The following TNR variants were observed in gnomAD, a reference collection of about 807,000 sequenced individuals.
The protein encoded by TNR is tenascin R, also known as tenascin-R.
A neutral mutation model predicts 150.4 loss-of-function variants in TNR; 45 were observed. That is an observed-to-expected ratio of 0.30 (90% CI 0.24 to 0.38). The LOEUF is 0.38. Ranked by LOEUF, TNR falls within the 10% of genes least tolerant of loss-of-function variation. TNR has a pLI of 1.00. For missense variants in TNR, 1,544 were observed against 1,759.1 expected (o/e 0.88, Z 2.19); for synonymous variants, 687 against 678.4 (o/e 1.01, Z -0.20).
intron 2 of TNR, among the ~76,000 whole-genome samples, chr1:175,485,301 C>T (rs1657964924): frequency 2.0e-5 from 3 of 152,138 alleles, no homozygotes; most frequent in Admixed American, 2.0e-4. Flanking sequence ...GGAAGTTTCC[C>T]CCAAACTGTA....
At chr1:175,602,273 A>G (rs114327514) in intron 1 of TNR, among the ~76,000 whole-genome samples, 208 of 150,404 alleles carry the variant, frequency 1.4e-3, no homozygotes, top group African/African-American at 4.9e-3. Flanking sequence ...CGATCTACTC[A>G]TTCCTCTCTA....
Position 175,362,806 on chromosome 1 carries a change from C to A in TNR, c.2711G>T (p.Gly904Val). The A allele has an allele frequency of 6.2e-7, 1 of 1,614,042 alleles. No individual in the cohort carries two copies. Among genetic ancestry groups the A allele is most frequent in the Non-Finnish European group, 8.5e-7 (1 of 1,179,946 alleles). Residue 904 changes from glycine (G) to valine (V), a missense_variant, in exon 14 of 23, where the codon GGA becomes GTA. Physicochemically the swap from Gly to Val is moderately radical, Grantham distance 109 (BLOSUM62 -3). This residue lies in a region of TNR where 1,254 missense variants were observed against 1,329.4 expected (regional missense o/e 0.94). Coordinates refer to ENST00000367674, the MANE Select transcript of TNR (RefSeq NM_003285.3). Reference protein sequence around the residue: ...YRVSYRPTQVGRLDSSVVPNT... With the variant: ...YRVSYRPTQVVRLDSSVVPNT... Reference sequence around the variant, plus strand: ...GGGCACCACTGAGCTGTCTAGTCGTCCCACTGGAGAAGAGAAGAATCTACA... The same window carrying A: ...GGGCACCACTGAGCTGTCTAGTCGTACCACTGGAGAAGAGAAGAATCTACA...
At chr1:175,402,742 C>T (rs859404) in intron 4 of TNR, among the ~76,000 whole-genome samples, 103,368 of 151,998 alleles carry the variant, frequency 0.68, 35,394 homozygotes, top group East Asian at 0.83. Context: ...GTGAGGGAGA[C>T]AATTTTGAGC....
intron 2 of TNR, among the ~76,000 whole-genome samples, chr1:175,508,371 T>C (rs768536601): frequency 6.6e-6 from 1 of 152,192 alleles, no homozygotes; most frequent in Non-Finnish European, 1.5e-5. Context: ...TTTGGGATGG[T>C]CCCCAGTCAT....
chr1:175,349,203 C>T lies in TNR; in HGVS notation c.3382+5188G>A, dbSNP rs112241317. Reference sequence around the variant, plus strand: ...GCAGTACATGGTTAAACTATGTAAACACATCCCCTATGACCCAGCAATTCC... The same window carrying T: ...GCAGTACATGGTTAAACTATGTAAATACATCCCCTATGACCCAGCAATTCC... On this transcript the variant is annotated intron_variant, in intron 18 of 22. Transcript: ENST00000367674. Among the ~76,000 whole-genome samples, 451 of 152,280 alleles carry T rather than the reference C, an allele frequency of 3.0e-3. 5 individuals are homozygous for T. The highest frequency in any genetic ancestry group is 0.011 in the African/African-American group (442 of 41,538).
intron 1 of TNR, among the ~76,000 whole-genome samples, chr1:175,621,263 G>A (rs1165687717): frequency 6.6e-6 from 1 of 152,132 alleles, no homozygotes; most frequent in Non-Finnish European, 1.5e-5. Context: ...CCTGAATTCT[G>A]CTGCCAGACT....
At chr1:175,638,910 A>C (rs1234875509) in intron 1 of TNR, among the ~76,000 whole-genome samples, 1 of 152,162 alleles carries the variant, frequency 6.6e-6, no homozygotes, top group Non-Finnish European at 1.5e-5. Context: ...AACTTTATTA[A>C]ATGAAATATT....
intron 1 of TNR, among the ~76,000 whole-genome samples, chr1:175,580,248 G>T (rs928854740): frequency 2.6e-5 from 4 of 152,234 alleles, no homozygotes; most frequent in Non-Finnish European, 5.9e-5. Flanking sequence ...CCCAAAGAGA[G>T]CAGGGGCAGG....
chr1:175,692,081 G>C (rs937250205), intron 1 of TNR, among the ~76,000 whole-genome samples: 2 of 152,178 alleles, frequency 1.3e-5, no homozygotes, highest in African/African-American at 4.8e-5. Flanking sequence ...CAGTCAAAAT[G>C]CTATTACCAG....
intron 2 of TNR, among the ~76,000 whole-genome samples, chr1:175,504,634 C>G (rs1211825240): frequency 6.6e-6 from 1 of 152,144 alleles, no homozygotes; most frequent in Non-Finnish European, 1.5e-5. Flanking sequence ...CTCCCCTCCC[C>G]AAGGCAAGTG....
chr1:175,661,863 CCT>C (rs1365762334), intron 1 of TNR, among the ~76,000 whole-genome samples: 2 of 147,648 alleles, frequency 1.4e-5, no homozygotes, highest in Admixed American at 6.8e-5. Context: ...TTGCCGCACC[CCT>C]CTTTCTCCTG....
At chr1:175,527,636 G>T (rs1256481309) in intron 2 of TNR, among the ~76,000 whole-genome samples, 4 of 152,194 alleles carry the variant, frequency 2.6e-5, no homozygotes, top group Non-Finnish European at 5.9e-5. Flanking sequence ...TATTAAAGGA[G>T]CAAAATATTC....
intron 9 of TNR, among the ~76,000 whole-genome samples, chr1:175,371,877 C>G (rs1204290096): frequency 6.6e-6 from 1 of 152,132 alleles, no homozygotes; most frequent in Non-Finnish European, 1.5e-5. Context: ...GTGGAGTAAG[C>G]AACTTGGAAT....
At chr1:175,548,948 G>A (rs770388069) in intron 1 of TNR, among the ~76,000 whole-genome samples, 1 of 152,158 alleles carries the variant, frequency 6.6e-6, no homozygotes, top group African/African-American at 2.4e-5. Flanking sequence ...ACTGGGATCT[G>A]CCAAGACAGG....
intron 2 of TNR, among the ~76,000 whole-genome samples, chr1:175,457,492 C>T (rs2102100756): frequency 6.6e-6 from 1 of 152,360 alleles, no homozygotes; most frequent in African/African-American, 2.4e-5. Flanking sequence ...GGCATCCTTA[C>T]TCCTAGATAA....
intron 20 of TNR, among the ~76,000 whole-genome samples, chr1:175,333,125 C>T (rs1003185691): frequency 6.6e-6 from 1 of 152,106 alleles, no homozygotes; most frequent in African/African-American, 2.4e-5. Context: ...GCTTGGAGTC[C>T]CTGTATTTAA....
At chr1:175,561,011 T>C (rs967439035) in intron 1 of TNR, among the ~76,000 whole-genome samples, 2 of 152,224 alleles carry the variant, frequency 1.3e-5, no homozygotes, top group African/African-American at 4.8e-5. Context: ...CGTTGCATCT[T>C]TAACGTTCCC....
chr1:175,367,495 C>T (rs756391278), intron 9 of TNR, among the ~76,000 whole-genome samples, 198 bp from the exon 10 acceptor site: 2 of 152,198 alleles, frequency 1.3e-5, no homozygotes, highest in Non-Finnish European at 2.9e-5. Flanking sequence ...AACCAGCCCA[C>T]GCAGAGCTTC....
At chr1:175,573,731 G>A (rs1171912985) in intron 1 of TNR, among the ~76,000 whole-genome samples, 2 of 152,210 alleles carry the variant, frequency 1.3e-5, no homozygotes, top group Admixed American at 6.5e-5. Flanking sequence ...GGGTGGCAGG[G>A]TGGGCGTGGG....
Sources: allele counts gnomAD v4.1 joint callset (sites outside exome capture counted in the v4.1 genomes callset), GRCh38; gene constraint gnomAD v4.1.1; regional missense constraint gnomAD v4.1.1; transcripts MANE v1.5; gene names NCBI Gene and HGNC (gene_info 2026-07-23, HGNC 2026-07-21).